PCDH9: variants seen among roughly 807,000 people sequenced by gnomAD.
PCDH9 encodes the protein protocadherin 9.
PCDH9 carries 24 observed loss-of-function variants against 70.6 expected under a neutral mutation model. The ratio of observed to expected loss-of-function variants is 0.34; its 90% confidence interval spans 0.25 to 0.48. The LOEUF (loss-of-function observed/expected upper bound fraction) is 0.48. Ranked by LOEUF, PCDH9 falls within the 20% of genes least tolerant of loss-of-function variation. The pLI is 0.99. For missense variants in PCDH9, 1,281 were observed against 1,503.6 expected, an observed-to-expected ratio of 0.85 and a Z score of 2.45; for synonymous variants, 562 against 558.5, an observed-to-expected ratio of 1.01 and a Z score of -0.09.
chr13:66,679,405 T>C (rs76531068), intron 3 of PCDH9, among the ~76,000 whole-genome samples: 3,269 of 151,980 alleles, frequency 0.022, 90 homozygotes, highest in African/African-American at 0.061. Context: ...ATTTTGCACA[T>C]TGTAATAGTG....
intron 2 of PCDH9, among the ~76,000 whole-genome samples, chr13:67,089,625 G>T (rs547640852): frequency 1.3e-5 from 2 of 152,048 alleles, no homozygotes; most frequent in Admixed American, 1.3e-4. Context: ...GACAAAAAAT[G>T]AGCTCCAGAA....
intron 2 of PCDH9, among the ~76,000 whole-genome samples, chr13:67,024,423 A>G (rs1000507905): frequency 1.3e-5 from 2 of 152,136 alleles, no homozygotes; most frequent in African/African-American, 4.8e-5. Flanking sequence ...ATGTTTTAAG[A>G]AATTTTGTGA....
At chr13:66,640,257 T>G (rs1170815113) in intron 3 of PCDH9, among the ~76,000 whole-genome samples, 2 of 152,182 alleles carry the variant, frequency 1.3e-5, no homozygotes, top group African/African-American at 4.8e-5. Flanking sequence ...TTGTCAATAT[T>G]TATAACAAAA....
chr13:67,102,565 G>A (rs548492174), intron 2 of PCDH9, among the ~76,000 whole-genome samples: 19 of 152,152 alleles, frequency 1.2e-4, no homozygotes, highest in African/African-American at 3.1e-4. Flanking sequence ...CTCAGTTACC[G>A]TCTTTATTTA....
intron 4 of PCDH9, among the ~76,000 whole-genome samples, chr13:66,333,133 C>A: frequency 6.6e-6 from 1 of 151,946 alleles, no homozygotes; most frequent in Non-Finnish European, 1.5e-5. Context: ...ATGTCAAATG[C>A]AAGGTAAAAT....
intron 2 of PCDH9, among the ~76,000 whole-genome samples, chr13:66,974,018 A>G (rs2083571153): frequency 6.6e-6 from 1 of 151,994 alleles, no homozygotes; most frequent in Non-Finnish European, 1.5e-5. Context: ...ATTACAGTGA[A>G]AGCAAATGTG....
intron 4 of PCDH9, among the ~76,000 whole-genome samples, chr13:66,384,113 T>C (rs983102242): frequency 2.6e-5 from 4 of 152,106 alleles, no homozygotes; most frequent in Non-Finnish European, 5.9e-5. Flanking sequence ...GTGCATCCAG[T>C]ATGGACATTA....
At chr13:66,827,702 T>G (rs2139398245) in intron 3 of PCDH9, among the ~76,000 whole-genome samples, 1 of 152,268 alleles carries the variant, frequency 6.6e-6, no homozygotes, top group East Asian at 1.9e-4. Context: ...ACACAAAGAT[T>G]TTGACAGCTG....
intron 2 of PCDH9, among the ~76,000 whole-genome samples, chr13:66,933,712 G>A (rs994482411): frequency 6.6e-6 from 1 of 152,084 alleles, no homozygotes; most frequent in Non-Finnish European, 1.5e-5. Context: ...AGGCAAACAA[G>A]GCAAGGAAAA....
At chr13:66,422,278 G>A (rs1957580721) in intron 4 of PCDH9, among the ~76,000 whole-genome samples, 1 of 152,018 alleles carries the variant, frequency 6.6e-6, no homozygotes, top group African/African-American at 2.4e-5. Context: ...AGGATATTCG[G>A]GACTTCAATT....
At chr13:66,325,680 C>T (rs1219353262) in intron 4 of PCDH9, among the ~76,000 whole-genome samples, 1 of 151,980 alleles carries the variant, frequency 6.6e-6, no homozygotes, top group African/African-American at 2.4e-5. Context: ...TCTATAGGGT[C>T]GCTGTTGCTG....
chr13:66,835,923 A>T (rs2081010255), intron 3 of PCDH9, among the ~76,000 whole-genome samples: 1 of 152,212 alleles, frequency 6.6e-6, no homozygotes, highest in African/African-American at 2.4e-5. Context: ...TAGACACTTA[A>T]TTTGAGATAA....
chr13:66,486,912 GT>G (rs1336888153), intron 4 of PCDH9, among the ~76,000 whole-genome samples: 1 of 152,122 alleles, frequency 6.6e-6, no homozygotes, highest in East Asian at 1.9e-4. Flanking sequence ...AATTTCAGAA[GT>G]GACCTAGAGA....
intron 2 of PCDH9, among the ~76,000 whole-genome samples, chr13:66,935,380 C>T (rs1187737949): frequency 1.3e-5 from 2 of 152,098 alleles, no homozygotes; most frequent in Non-Finnish European, 2.9e-5. Context: ...AAAAATTGAG[C>T]ACTTAAGGTA....
chr13:67,029,989 G>A (rs888510765), intron 2 of PCDH9, among the ~76,000 whole-genome samples: 11 of 152,142 alleles, frequency 7.2e-5, no homozygotes, highest in Non-Finnish European at 1.6e-4. Context: ...TGCTGGTTAT[G>A]TGACTTCATT....
intron 2 of PCDH9, among the ~76,000 whole-genome samples, chr13:66,995,471 A>G (rs149801837): frequency 0.012 from 1,787 of 152,188 alleles, 32 homozygotes; most frequent in African/African-American, 0.038. Context: ...CCACTAAGGG[A>G]AAAAAACAAC....
At chr13:67,039,520 T>G (rs2085071581) in intron 2 of PCDH9, among the ~76,000 whole-genome samples, 1 of 152,082 alleles carries the variant, frequency 6.6e-6, no homozygotes, top group Non-Finnish European at 1.5e-5. Context: ...TCTGAGTGTT[T>G]CCTCTTGTCT....
chr13:66,926,336 A>C (rs1011490813), intron 2 of PCDH9, among the ~76,000 whole-genome samples: 1 of 151,922 alleles, frequency 6.6e-6, no homozygotes, highest in Non-Finnish European at 1.5e-5. Flanking sequence ...TGTGGACAGC[A>C]CCTTATTCAC....
chr13:66,522,190 T>A (rs1054845279), intron 4 of PCDH9, among the ~76,000 whole-genome samples: 4 of 151,698 alleles, frequency 2.6e-5, no homozygotes, highest in Admixed American at 2.6e-4. Flanking sequence ...CATAGCTCAA[T>A]TAAATCACAA....
Sources: gnomAD v4.1 joint callset for allele counts (sites outside exome capture counted in the v4.1 genomes callset) on GRCh38, gnomAD v4.1.1 for gene constraint, MANE v1.5 for transcripts, NCBI Gene and HGNC (gene_info 2026-07-23, HGNC 2026-07-21) for gene names.